The following HABP2 variants were observed in gnomAD, a reference collection of about 807,000 sequenced individuals.
HABP2 encodes hyaluronan binding protein 2.
A neutral mutation model predicts 66.5 loss-of-function variants in HABP2; 65 were observed. The observed-to-expected ratio is 0.98, with a 90% CI of 0.80 to 1.20. HABP2 has a LOEUF of 1.20. Ranked by LOEUF, HABP2 falls within the 50% of genes most tolerant of loss-of-function variation. The pLI is 0.00. For missense variants in HABP2, 786 were observed against 691.0 expected, an observed-to-expected ratio of 1.14 and a Z score of -1.54; for synonymous variants, 263 against 253.9, an observed-to-expected ratio of 1.04 and a Z score of -0.34.
At chr10:113,564,499 C>A (rs1845160597) in intron 1 of HABP2, among the ~76,000 whole-genome samples, 2 of 152,126 alleles carry the variant, frequency 1.3e-5, no homozygotes, top group African/African-American at 4.8e-5. Flanking sequence ...CAGCCCCAAA[C>A]AGAACACCTG....
Position 113,583,415 on chromosome 10 carries a change from GA to G in HABP2, c.1237+58del. Reference sequence around the variant, plus strand: ...TCTTGTCCTGGGTGGATTTCTCTATGACCAGAAAGCTGAAGTTTGGTTCTAG... The same window carrying G: ...TCTTGTCCTGGGTGGATTTCTCTATGCCAGAAAGCTGAAGTTTGGTTCTAG... On this transcript the variant is annotated intron_variant, in intron 10 of 12. Transcript: ENST00000351270. The G allele has an allele frequency of 4.6e-6, 7 of 1,514,046 alleles. No individual in the cohort carries two copies. The South Asian group carries it at 8.0e-5, about 17-fold the overall frequency. The allele number at this position is 1,514,046 out of a possible 1,614,324, so 93.8% of individuals were successfully genotyped here.
In HABP2 at chr10:113,571,853, A is replaced by G. The variant is rs568983919; in HGVS notation, c.107-2436A>G. Among the ~76,000 whole-genome samples the G allele has an allele frequency of 6.4e-4, 97 of 152,352 alleles. 2 individuals carry two copies. The South Asian group carries it at 0.019, about 30-fold the overall frequency. On this transcript the variant is annotated intron_variant, in intron 2 of 12. Coordinates refer to ENST00000351270, the MANE Select transcript of HABP2 (RefSeq NM_004132.5). The stretch of plus-strand genomic sequence containing the variant: ...ATAACTCTGCACCATTCCCAATGCC[A>G]TCCTGAACCTGGCATAACACTTGGT...
At chr10:113,571,737 T>C (rs1343890585) in intron 2 of HABP2, among the ~76,000 whole-genome samples, 1 of 152,156 alleles carries the variant, frequency 6.6e-6, no homozygotes, top group Non-Finnish European at 1.5e-5. Context: ...TTCACTACTC[T>C]TTAATCTCCT....
At chr10:113,576,913 G>GT (rs568691320) in intron 4 of HABP2, among the ~76,000 whole-genome samples, 31 of 152,090 alleles carry the variant, frequency 2.0e-4, no homozygotes, top group African/African-American at 3.4e-4. Flanking sequence ...AATTATCAAA[G>GT]TTTTTTTATT....
At chr10:113,586,481 G>C (rs372123708) in intron 12 of HABP2, among the ~76,000 whole-genome samples, 8 of 109,746 alleles carry the variant, frequency 7.3e-5, no homozygotes, top group South Asian at 3.0e-4. Context: ...TGTGTGGGGG[G>C]GGGGGGGGTG....
At chr10:113,553,213 T>TAGAA (rs1565093641) in intron 1 of HABP2, 23 bp downstream of exon 1, 1 of 1,564,036 alleles carries the variant, frequency 6.4e-7, no homozygotes, top group Admixed American at 1.7e-5. Flanking sequence ...TTCTAATATT[T>TAGAA]GTAGTTGAGA....
rs1048170723 is a variant in HABP2, at chr10:113,588,718, C to T, written c.*349C>T. 49 of 548,176 alleles carry T rather than the reference C, an allele frequency of 8.9e-5. No individual in the cohort carries two copies. Among genetic ancestry groups the T allele is most frequent in the Non-Finnish European group, 1.3e-4 (39 of 311,462 alleles). The allele number at this position is 548,176 out of a possible 1,614,324, so 34.0% of individuals were successfully genotyped here. A position where few individuals can be genotyped will look rare whatever the true frequency, so the allele number is the denominator to read the frequency against. On this transcript the variant is annotated 3_prime_UTR_variant, in exon 13 of 13. Transcript: ENST00000351270. ...CAGACTCCAGAATCCCCAGCATCAG[C>T]GGGAACCACCATCACATCTTTATTC... is the stretch of plus-strand genomic sequence containing the variant.
chr10:113,562,373 C>T (rs1218140590), intron 1 of HABP2, among the ~76,000 whole-genome samples: 1 of 151,564 alleles, frequency 6.6e-6, no homozygotes, highest in African/African-American at 2.4e-5. Context: ...TTTGTACTTT[C>T]TCCAGCTGTC....
intron 5 of HABP2, among the ~76,000 whole-genome samples, chr10:113,577,534 C>T (rs546480633): frequency 6.6e-6 from 1 of 152,270 alleles, no homozygotes; most frequent in East Asian, 1.9e-4. Flanking sequence ...TGAGAGGGAC[C>T]AAGTAGGGGA....
chr10:113,553,915 T>C (rs1403522801), intron 1 of HABP2, among the ~76,000 whole-genome samples: 1 of 152,164 alleles, frequency 6.6e-6, no homozygotes, highest in African/African-American at 2.4e-5. Context: ...GATGGATCTC[T>C]GTGGGCATGG....
chr10:113,551,763 G>A (rs573764659), upstream of HABP2, among the ~76,000 whole-genome samples: 3 of 152,084 alleles, frequency 2.0e-5, no homozygotes, highest in South Asian at 4.2e-4. Context: ...CCAAGATCAC[G>A]CCACTGCACT....
intron 1 of HABP2, among the ~76,000 whole-genome samples, chr10:113,559,157 C>T (rs771147006): frequency 2.0e-5 from 3 of 152,172 alleles, no homozygotes; most frequent in East Asian, 3.9e-4. Flanking sequence ...GCCCAGCCTT[C>T]GCTTGCCTTT....
chr10:113,558,158 C>T (rs921117040), intron 1 of HABP2, among the ~76,000 whole-genome samples: 1 of 152,196 alleles, frequency 6.6e-6, no homozygotes, highest in South Asian at 2.1e-4. Flanking sequence ...TCAATAGCCC[C>T]GAAGCTTTGC....
rs11327736 is a variant in HABP2, at chr10:113,579,094, C to CA, written c.740+312dup. Among the ~76,000 whole-genome samples, 7,597 of 126,896 alleles carry CA rather than the reference C, an allele frequency of 0.06. 280 individuals carry two copies. Among genetic ancestry groups the CA allele is most frequent in the African/African-American group, 0.11 (3,775 of 34,484 alleles). 83.2% of individuals were successfully genotyped at this position (126,896 alleles called of 152,430 possible). A position where few individuals can be genotyped will look rare whatever the true frequency, so the allele number is the denominator to read the frequency against. On this transcript the variant is annotated intron_variant, in intron 7 of 12. Transcript: ENST00000351270. The stretch of plus-strand genomic sequence containing the variant: ...CAAAATGGCAAAACCCCGTCTCTAC[C>CA]AAAAAAAAAAAAAAAATAGCTGAAT...
At chr10:113,551,112 A>G (rs1268238153), upstream of HABP2, among the ~76,000 whole-genome samples, 1 of 152,202 alleles carries the variant, frequency 6.6e-6, no homozygotes, top group African/African-American at 2.4e-5. Flanking sequence ...AACATGTCCA[A>G]CTGTCACATG....
At chr10:113,567,711 G>A (rs980966784) in intron 2 of HABP2, among the ~76,000 whole-genome samples, 186 bp downstream of exon 2, 1 of 152,204 alleles carries the variant, frequency 6.6e-6, no homozygotes, top group African/African-American at 2.4e-5. Context: ...ACAATTTTGA[G>A]TTTCCTGTGG....
intron 1 of HABP2, among the ~76,000 whole-genome samples, chr10:113,557,203 G>C (rs368799092): frequency 2.6e-5 from 4 of 152,072 alleles, no homozygotes; most frequent in African/African-American, 9.7e-5. Flanking sequence ...AGTCTCTTTC[G>C]GGCCTAGGAG....
Position 113,588,643 on chromosome 10 carries a change from G to GA in HABP2, c.*278dup. 7.7e-6 allele frequency: 4 copies of GA among 519,452 alleles called. No homozygotes were observed. The highest frequency in any genetic ancestry group is 3.6e-5 in the Admixed American group (1 of 28,068). 32.2% of individuals were successfully genotyped at this position (519,452 alleles called of 1,614,324 possible). On this transcript the variant is annotated 3_prime_UTR_variant, in exon 13 of 13. Coordinates refer to ENST00000351270, the MANE Select transcript of HABP2 (RefSeq NM_004132.5). ...TTTCCTTACCCAATTGTACCTTCTA[G>GA]AAAATCAGTGTTCACAGAGACTGCC...
rs2240877 is a variant in HABP2 at position 113,583,827 on chromosome 10, C to T, written c.1238-321C>T. Among the ~76,000 whole-genome samples, 16,511 of 152,220 alleles carry T rather than the reference C, an allele frequency of 0.11. 941 individuals are homozygous for T. Among genetic ancestry groups the T allele is most frequent in the Non-Finnish European group, 0.12 (8,097 of 68,012 alleles). On this transcript the variant is annotated intron_variant, in intron 10 of 12. Coordinates refer to ENST00000351270, the MANE Select transcript of HABP2 (RefSeq NM_004132.5). Reference sequence around the variant, plus strand: ...CTACCAGCTGCTCAGTTCTGTATCCCGTTTCCCTTTTCATGAGACACCCCC... The same window carrying T: ...CTACCAGCTGCTCAGTTCTGTATCCTGTTTCCCTTTTCATGAGACACCCCC...
Sources: allele counts gnomAD v4.1 joint callset (sites outside exome capture counted in the v4.1 genomes callset), GRCh38; gene constraint gnomAD v4.1.1; transcripts MANE v1.5; gene names NCBI Gene and HGNC (gene_info 2026-07-23, HGNC 2026-07-21).